HERC6: variants seen among roughly 807,000 people sequenced by gnomAD.
HERC6 encodes the protein probable E3 ubiquitin-protein ligase HERC6.
Under a neutral mutation model 114.5 loss-of-function variants are expected in HERC6, and 101 were observed. The ratio of observed to expected loss-of-function variants is 0.88; its 90% CI spans 0.75 to 1.04. HERC6 has a LOEUF of 1.04. Among genes scored for constraint, HERC6 ranks in the 50% least tolerant of loss-of-function variants. The pLI, the probability that HERC6 is intolerant of heterozygous loss-of-function variation, is 0.00. For missense variants in HERC6, 1,133 were observed against 1,230.9 expected (o/e 0.92, Z 1.19); for synonymous variants, 408 against 436.2 (o/e 0.94, Z 0.81).
chr4:88,420,710 T>C (rs890341378), intron 13 of HERC6, among the ~76,000 whole-genome samples: 1 of 152,166 alleles, frequency 6.6e-6, no homozygotes, highest in Non-Finnish European at 1.5e-5. Flanking sequence ...GGTGGAAAGA[T>C]TGCTTGAGCT....
chr4:88,440,871 GT>G (rs2149043577), intron 22 of HERC6, among the ~76,000 whole-genome samples: 1 of 152,240 alleles, frequency 6.6e-6, no homozygotes, highest in South Asian at 2.1e-4. Context: ...ACTGCTTTTT[GT>G]TAGAAGGGAA....
intron 13 of HERC6, among the ~76,000 whole-genome samples, chr4:88,423,460 C>T (rs560907433): frequency 6.6e-6 from 1 of 152,144 alleles, no homozygotes; most frequent in Non-Finnish European, 1.5e-5. Context: ...ACATTTTAAT[C>T]TAAAGATTTG....
intron 17 of HERC6, among the ~76,000 whole-genome samples, 156 bp downstream of exon 17, chr4:88,431,461 T>A (rs1364930838): frequency 6.6e-6 from 1 of 152,146 alleles, no homozygotes; most frequent in East Asian, 1.9e-4. Flanking sequence ...GCAGCAGCTA[T>A]GGCGTCACTT....
At chr4:88,386,951 C>G (rs1423618538) in intron 3 of HERC6, among the ~76,000 whole-genome samples, 1 of 152,186 alleles carries the variant, frequency 6.6e-6, no homozygotes, top group African/African-American at 2.4e-5. Flanking sequence ...CTTCAAAGGA[C>G]TATAACATTT....
At chr4:88,394,689 C>G (rs1025346474) in intron 5 of HERC6, among the ~76,000 whole-genome samples, 2 of 151,372 alleles carry the variant, frequency 1.3e-5, no homozygotes, top group African/African-American at 2.4e-5. Context: ...GGATTACAGG[C>G]GTGTGCCACC....
intron 1 of HERC6, among the ~76,000 whole-genome samples, chr4:88,382,228 C>G (rs748689734): frequency 6.6e-6 from 1 of 152,178 alleles, no homozygotes; most frequent in Non-Finnish European, 1.5e-5. Context: ...GTATGATGTT[C>G]TCAACTCCAA....
At chr4:88,437,610 C>A in intron 19 of HERC6, 101 bp from the exon 20 acceptor site, 1 of 741,662 alleles carries the variant, frequency 1.3e-6, no homozygotes, top group Admixed American at 2.8e-5. Flanking sequence ...AAGTTATTTT[C>A]AGTTACATAG....
At chr4:88,435,100 T>G (rs150817598) in intron 17 of HERC6, among the ~76,000 whole-genome samples, 38 of 152,336 alleles carry the variant, frequency 2.5e-4, no homozygotes, top group African/African-American at 8.7e-4. Flanking sequence ...TGATCTACTG[T>G]GCTGCAATCA....
At chr4:88,411,679 C>T (rs1414391013) in intron 11 of HERC6, among the ~76,000 whole-genome samples, 1 of 152,178 alleles carries the variant, frequency 6.6e-6, no homozygotes, top group Non-Finnish European at 1.5e-5. Context: ...TAGCTTAACA[C>T]AGTATTTTCC....
chr4:88,386,921 G>T (rs1734617626), intron 3 of HERC6, among the ~76,000 whole-genome samples: 2 of 152,138 alleles, frequency 1.3e-5, no homozygotes, highest in African/African-American at 4.8e-5. Context: ...GCATATTTTG[G>T]TGTGGCATAT....
chr4:88,390,739 T>C lies in HERC6; in HGVS notation c.524T>C (p.Val175Ala). The C allele has an allele frequency of 6.2e-7, 1 of 1,613,984 alleles. No homozygotes were observed. The highest frequency in any genetic ancestry group is 1.3e-5 in the African/African-American group (1 of 74,978). Reference protein sequence around the residue: ...EFPSQASPQRVRSLEGIPLAQ... With the variant: ...EFPSQASPQRARSLEGIPLAQ... ...CCCTCCCAAGCCAGCCCGCAGAGGG[T>C]GAGGTCCCTGGAGGGGATCCCACTG... The change falls in exon 4 of 23, where the codon GTG becomes GCG. Residue 175 changes from valine (V) to alanine (A), a missense_variant. This residue lies in a region of HERC6 where 735 missense variants were observed against 754.0 expected (regional missense o/e 0.97). Transcript: ENST00000264346.
At position 88,440,220 on chromosome 4, in the gene HERC6, C is replaced by T. The variant is rs1739209054; in HGVS notation, c.2812C>T (p.Leu938=). 1.2e-6 allele frequency: 2 copies of T among 1,601,560 alleles called. No individual in the cohort carries two copies. Among genetic ancestry groups the T allele is most frequent in the Admixed American group, 3.4e-5 (2 of 58,418 alleles). The change falls in exon 22 of 23, where the codon CTA becomes TTA. Residue 938 remains leucine, a synonymous_variant. Transcript: ENST00000264346. ...GTTGTTTTGGAAGGCTTTCCACAAA[C>T]TAACCTTGGATGAAAAGAAAAAATT... ...IQLFWKAFHK[L]TLDEKKKFLF...
In HERC6 at chr4:88,405,537, T is replaced by C; in HGVS notation, c.1215-17T>C. 6.8e-7 allele frequency: 1 copy of C among 1,479,702 alleles called. No homozygotes were observed. Among genetic ancestry groups the C allele is most frequent in the Non-Finnish European group, 9.2e-7 (1 of 1,086,348 alleles). 91.7% of individuals were successfully genotyped at this position (1,479,702 alleles called of 1,614,324 possible). ...TTATTATATGTTGTGACTTACCCCT[T>C]GTTATTACTTTTACAGTGAAATTAG... is the stretch of plus-strand genomic sequence containing the variant. On this transcript the variant is annotated splice_polypyrimidine_tract_variant and intron_variant, in intron 9 of 22. Coordinates refer to ENST00000264346, the MANE Select transcript of HERC6 (RefSeq NM_017912.4).
chr4:88,394,027 T>G (rs1470020051), intron 5 of HERC6, among the ~76,000 whole-genome samples: 1 of 152,186 alleles, frequency 6.6e-6, no homozygotes, highest in East Asian at 1.9e-4. Context: ...ACATTCAGAC[T>G]GTAGCATAAG....
chr4:88,381,661 G>A (rs766573470), intron 1 of HERC6, among the ~76,000 whole-genome samples: 10 of 149,216 alleles, frequency 6.7e-5, no homozygotes, highest in African/African-American at 7.4e-5. Context: ...CAGTTCAAAC[G>A]GTTCTTCTGC....
At position 88,437,749 on chromosome 4, in the gene HERC6, T is replaced by G; in HGVS notation, c.2523T>G (p.Asn841Lys). ...WDQNDVDLIP[N>K]GISIPVDQTN... ...AAAATGATGTTGACTTAATTCCAAA[T>G]GGGATCTCCATACCTGTGGACCAAA... is the stretch of plus-strand genomic sequence containing the variant. Residue 841 changes from asparagine to lysine, a missense_variant, in exon 20 of 23, where the codon AAT (asparagine) becomes AAG (lysine). By Grantham distance (94) the Asn-to-Lys change is moderately conservative (BLOSUM62 0). Around this residue, in one of 3 missense-constraint regions of HERC6, gnomAD observed 388 missense variants for 445.9 expected, o/e 0.87. Transcript: ENST00000264346. 6.2e-7 allele frequency: 1 copy of G among 1,608,242 alleles called. No individual in the cohort carries two copies. Among genetic ancestry groups the G allele is most frequent in the Non-Finnish European group, 8.5e-7 (1 of 1,176,932 alleles).
chr4:88,414,727 G>A (rs1736332027), intron 12 of HERC6, among the ~76,000 whole-genome samples: 1 of 152,172 alleles, frequency 6.6e-6, no homozygotes, highest in African/African-American at 2.4e-5. Context: ...ACAGCAGTGA[G>A]GACGACCAGA....
At chr4:88,420,355 C>T (rs1736908607) in intron 13 of HERC6, among the ~76,000 whole-genome samples, 2 of 152,118 alleles carry the variant, frequency 1.3e-5, no homozygotes, top group African/African-American at 4.8e-5. Flanking sequence ...TTTAGAATTA[C>T]CTTTTTGTTC....
chr4:88,417,472 C>T lies in HERC6; in HGVS notation c.1606C>T (p.Gln536Ter), dbSNP rs1374070800. The part of the protein sequence containing the change: ...LQESSLNPLI[Q>*]MLKAAIISQL... ...AGAATCTTCTCTGAATCCGCTGATC[C>T]AGATGCTTAAAGCAGCCATCATCTC... The change falls in exon 13 of 23, where the codon CAG becomes TAG. Residue 536 changes from glutamine (Q) to a stop codon, truncating the protein, a stop_gained. Coordinates refer to ENST00000264346, the MANE Select transcript of HERC6 (RefSeq NM_017912.4). LOFTEE classifies it high-confidence loss of function. 3 of 1,611,272 alleles carry T rather than the reference C, an allele frequency of 1.9e-6. No individual in the cohort carries two copies. The highest frequency in any genetic ancestry group is 1.3e-5 in the African/African-American group (1 of 74,988).
Sources: gnomAD v4.1 joint callset for allele counts (sites outside exome capture counted in the v4.1 genomes callset) on GRCh38, gnomAD v4.1.1 for gene constraint, gnomAD v4.1.1 regional missense constraint, MANE v1.5 for transcripts, NCBI Gene and HGNC (gene_info 2026-07-23, HGNC 2026-07-21) for gene names.